Variants in CCDC57 observed in about 807,000 individuals in gnomAD.
CCDC57 encodes the protein coiled-coil domain containing 57.
A neutral mutation model predicts 118.9 loss-of-function variants in CCDC57; 118 were observed. The ratio of observed to expected loss-of-function variants is 0.99; its 90% CI spans 0.86 to 1.16. CCDC57 has a LOEUF of 1.16. Among genes scored for constraint, CCDC57 ranks in the 50% most tolerant of loss-of-function variants. The pLI, the probability that CCDC57 is intolerant of heterozygous loss-of-function variation, is 0.00. For missense variants in CCDC57, 1,300 were observed against 1,320.7 expected (o/e 0.98, Z 0.24); for synonymous variants, 527 against 532.9 (o/e 0.99, Z 0.15).
At chr17:82,190,444 G>A (rs1328974353) in intron 7 of CCDC57, among the ~76,000 whole-genome samples, 5 of 151,894 alleles carry the variant, frequency 3.3e-5, no homozygotes, top group African/African-American at 7.3e-5. Flanking sequence ...CCCTGTAATC[G>A]CAGCACTTTG....
chr17:82,206,824 T>G (rs143823679), intron 2 of CCDC57, among the ~76,000 whole-genome samples: 2 of 152,184 alleles, frequency 1.3e-5, no homozygotes, highest in East Asian at 1.9e-4. Context: ...CATTGCAAAA[T>G]TATAACTCAG....
chr17:82,143,127 T>C (rs564547787), intron 16 of CCDC57, among the ~76,000 whole-genome samples: 39 of 147,510 alleles, frequency 2.6e-4, no homozygotes, highest in South Asian at 1.1e-3. Flanking sequence ...CACTCTACAA[T>C]GGCAACAAGA....
chr17:82,101,615 GGTGAAA>G, exon 20 of CCDC57: 1 of 1,326,836 alleles, frequency 7.5e-7, no homozygotes, highest in Non-Finnish European at 1.0e-6. Flanking sequence ...ACAACACGTA[GGTGAAA>G]GCACAGGCAC....
chr17:82,164,187 C>T (rs2043693567), intron 13 of CCDC57, among the ~76,000 whole-genome samples: 1 of 151,934 alleles, frequency 6.6e-6, no homozygotes, highest in Non-Finnish European at 1.5e-5. Flanking sequence ...ACCAACCTGG[C>T]CAATGTGGCA....
exon 2 of CCDC57, chr17:82,207,978 G>C (rs2049867237): frequency 1.3e-5 from 2 of 152,216 alleles, no homozygotes; most frequent in Non-Finnish European, 2.9e-5. Context: ...GATCACAGAA[G>C]TCTTCCTCTG....
At chr17:82,189,346 A>G (rs1198217568) in intron 7 of CCDC57, among the ~76,000 whole-genome samples, 2 of 152,152 alleles carry the variant, frequency 1.3e-5, no homozygotes, top group Non-Finnish European at 2.9e-5. Flanking sequence ...CTACCCTCTG[A>G]GCATATTAGG....
At chr17:82,129,168 C>T (rs2037927808) in intron 17 of CCDC57, among the ~76,000 whole-genome samples, 2 of 152,198 alleles carry the variant, frequency 1.3e-5, no homozygotes, top group Admixed American at 6.5e-5. Context: ...ATCCGCCTGC[C>T]TTGGCCTCCC....
At chr17:82,120,644 A>C (rs1167792203) in intron 19 of CCDC57, among the ~76,000 whole-genome samples, 1 of 152,222 alleles carries the variant, frequency 6.6e-6, no homozygotes, top group African/African-American at 2.4e-5. Context: ...AAGCATCAAG[A>C]TACTTCGCAG....
chr17:82,183,681 G>A (rs2046478652), intron 9 of CCDC57, 93 bp downstream of exon 8: 2 of 1,195,192 alleles, frequency 1.7e-6, no homozygotes, highest in Non-Finnish European at 2.3e-6. Flanking sequence ...TGAGGCCAGG[G>A]ACTCAATCTG....
exon 8 of CCDC57, chr17:82,188,304 GGGCCTGCAGCTCCAGAACCCT>G (rs763965862): frequency 7.5e-6 from 12 of 1,600,234 alleles, no homozygotes; most frequent in Non-Finnish European, 1.0e-5. Context: ...GTCTCGCAGT[GGGCCTGCAGCTCCAGAACCCT>G]GGTCTGCAGC....
intron 15 of CCDC57, among the ~76,000 whole-genome samples, chr17:82,153,178 G>A (rs2042272818): frequency 6.6e-6 from 1 of 152,168 alleles, no homozygotes; most frequent in African/African-American, 2.4e-5. Flanking sequence ...CCAAGGCAGA[G>A]GGAGAGGAAG....
intron 13 of CCDC57, among the ~76,000 whole-genome samples, chr17:82,165,889 T>C (rs2043932625): frequency 6.6e-6 from 1 of 152,160 alleles, no homozygotes; most frequent in South Asian, 2.1e-4. Flanking sequence ...CGGGCCAGGA[T>C]GCGCAGTGTG....
chr17:82,114,105 C>T (rs530063561), intron 19 of CCDC57, among the ~76,000 whole-genome samples: 27 of 152,292 alleles, frequency 1.8e-4, no homozygotes, highest in Non-Finnish European at 3.4e-4. Flanking sequence ...CACAGAGTGA[C>T]GCCACAGATG....
intron 7 of CCDC57, among the ~76,000 whole-genome samples, chr17:82,189,760 G>A (rs1213730244): frequency 2.0e-5 from 3 of 152,142 alleles, no homozygotes; most frequent in Non-Finnish European, 4.4e-5. Context: ...GGCTGAGGCA[G>A]GAGAATTGCT....
intron 19 of CCDC57, 35 bp from the exon 19 acceptor site, chr17:82,101,901 G>A (rs751356900): frequency 1.9e-5 from 29 of 1,520,450 alleles, no homozygotes; most frequent in Non-Finnish European, 2.5e-5. Context: ...GCATGCATCA[G>A]GATGGCAGGG....
In CCDC57 at chr17:82,197,236, C is replaced by G. The variant is rs373703207; in HGVS notation, c.516+1078G>C. On this transcript the variant is annotated intron_variant, in intron 4 of 19. Transcript: ENST00000665763. The stretch of plus-strand genomic sequence containing the variant: ...GCAGAGACGCAGCCCCTCGTGACAC[C>G]TGCACCTGCAGAGACGCAGCCCCTC... 7.2e-3 allele frequency among the ~76,000 whole-genome samples: 1,080 copies of G among 150,482 alleles called. 8 individuals carry two copies. The highest frequency in any genetic ancestry group is 0.026 in the African/African-American group (1,054 of 40,936).
chr17:82,203,909 A>C (rs994955160), intron 2 of CCDC57, among the ~76,000 whole-genome samples: 2 of 152,176 alleles, frequency 1.3e-5, no homozygotes, highest in Non-Finnish European at 2.9e-5. Flanking sequence ...CTCGGGGCAC[A>C]GCAATGGTTG....
intron 1 of CCDC57, among the ~76,000 whole-genome samples, chr17:82,208,318 G>A (rs1319577862): frequency 6.6e-6 from 1 of 152,038 alleles, no homozygotes; most frequent in African/African-American, 2.4e-5. Flanking sequence ...ATGCAGTGGC[G>A]CGATCTTGGC....
rs930616190 is a variant in CCDC57 at position 82,167,758 on chromosome 17, G to A, written c.1882+3943C>T. On this transcript the variant is annotated intron_variant, in intron 13 of 19. Coordinates refer to ENST00000665763, the Ensembl canonical transcript of CCDC57. ...GGCCTCCCAAAGTGCTGGGATTACA[G>A]GTGTGCGCCACCGTGCCCAGCTAAT... is the stretch of plus-strand genomic sequence containing the variant. Among the ~76,000 whole-genome samples, 8 of 152,258 alleles carry A rather than the reference G, an allele frequency of 5.3e-5. No homozygotes were observed. In the East Asian group the frequency reaches 1.4e-3, roughly 26 times the overall value.
Sources: gnomAD v4.1 joint callset for allele counts (sites outside exome capture counted in the v4.1 genomes callset) on GRCh38, gnomAD v4.1.1 for gene constraint, MANE v1.5 for transcripts, NCBI Gene and HGNC (gene_info 2026-07-23, HGNC 2026-07-21) for gene names.